The following ERN1 variants were observed in gnomAD, a reference collection of about 807,000 sequenced individuals.
ERN1 encodes serine/threonine-protein kinase/endoribonuclease IRE1.
Under a neutral mutation model 113.1 loss-of-function variants are expected in ERN1, and 39 were observed. The ratio of observed to expected loss-of-function variants is 0.34; its 90% CI spans 0.27 to 0.45. The LOEUF is 0.45. Among genes scored for constraint, ERN1 ranks in the 20% least tolerant of loss-of-function variants. The pLI is 1.00. For synonymous variants in ERN1, 507 were observed against 515.9 expected, an observed-to-expected ratio of 0.98 and a Z score of 0.23; for missense variants, 976 against 1,274.8, an observed-to-expected ratio of 0.77 and a Z score of 3.57.
chr17:64,044,167 G>A lies in ERN1; in HGVS notation c.2755C>T (p.Arg919Trp), dbSNP rs369663028. 1.1e-5 allele frequency: 18 copies of A among 1,584,240 alleles called. 1 individual carries two copies. Among genetic ancestry groups the A allele is most frequent in the East Asian group, 1.1e-4 (5 of 44,154 alleles). The change falls in exon 22 of 22, where the codon CGG becomes TGG. Residue 919 changes from arginine (R) to tryptophan (W), a missense_variant. Around this residue, in one of 5 missense-constraint regions of ERN1, gnomAD observed 92 missense variants for 87.3 expected, o/e 1.05. Transcript: ENST00000433197. This position sits in a 1 kb window ranked among gnomAD's most constrained non-coding sequence, Gnocchi z 4.1. ...TCGGGGAGGGACCCCAGCGTCTCCC[G>A]CACCTCTGCAGGCAGCTCCCGGTAG... is the stretch of plus-strand genomic sequence containing the variant. ...HHYRELPAEV[R>W]ETLGSLPDDF...
At chr17:64,072,837 C>T (rs1913463043) in intron 5 of ERN1, among the ~76,000 whole-genome samples, 1 of 152,124 alleles carries the variant, frequency 6.6e-6, no homozygotes, top group Non-Finnish European at 1.5e-5. Flanking sequence ...GCAAGGGCCT[C>T]CAATGTGAAG....
At chr17:64,101,968 G>GT (rs1265721424) in intron 1 of ERN1, among the ~76,000 whole-genome samples, 1 of 152,094 alleles carries the variant, frequency 6.6e-6, no homozygotes, top group Non-Finnish European at 1.5e-5. Flanking sequence ...TCTACAATTG[G>GT]TTTATGGATC....
intron 8 of ERN1, among the ~76,000 whole-genome samples, chr17:64,065,636 T>G (rs894244151): frequency 6.6e-6 from 1 of 152,060 alleles, no homozygotes; most frequent in Non-Finnish European, 1.5e-5. Context: ...GCCCCTCAGA[T>G]GACTCTCTAC....
chr17:64,129,689 G>A lies in ERN1; in HGVS notation c.54+287C>T, dbSNP rs1915181811. The A allele has an allele frequency of 2.1e-5, 8 of 374,848 alleles. No individual in the cohort carries two copies. In the East Asian group the frequency reaches 3.1e-4, roughly 14 times the overall value. The allele number at this position is 374,848 out of a possible 1,614,324, so 23.2% of individuals were successfully genotyped here. On this transcript the variant is annotated intron_variant, in intron 1 of 21. Coordinates refer to ENST00000433197, the MANE Select transcript of ERN1 (RefSeq NM_001433.5). ...TGCAGGACGCCACGAAGTTGCGCCC[G>A]AGCCCGCGGGGTCCGGGGAGCCGCT... is the stretch of plus-strand genomic sequence containing the variant.
rs113336518 is a variant in ERN1 at position 64,047,849 on chromosome 17, C to T, written c.2529+9G>A. On this transcript the variant is annotated intron_variant, in intron 19 of 21. Coordinates refer to ENST00000433197, the MANE Select transcript of ERN1 (RefSeq NM_001433.5). ...GAAGACTCTGGATAAAGAGAACAGA[C>T]GTCTCTACCTGGAAGAACTGGAGCT... The T allele has an allele frequency of 0.019, 30,118 of 1,598,246 alleles. 397 individuals carry two copies. The highest frequency in any genetic ancestry group is 0.061 in the Middle Eastern group (363 of 5,998).
chr17:64,090,060 G>A (rs1381093664), intron 2 of ERN1, among the ~76,000 whole-genome samples: 1 of 152,094 alleles, frequency 6.6e-6, no homozygotes, highest in Non-Finnish European at 1.5e-5. Context: ...CTTCCCTCCA[G>A]AGAAAAAGCA....
intron 1 of ERN1, among the ~76,000 whole-genome samples, chr17:64,127,776 A>T (rs904087638): frequency 4.1e-5 from 6 of 145,936 alleles, no homozygotes; most frequent in South Asian, 4.2e-4. Flanking sequence ...AAAAAAAAAG[A>T]AGTAGTAGTA....
At chr17:64,114,780 G>A (rs564362830) in intron 1 of ERN1, among the ~76,000 whole-genome samples, 2 of 152,238 alleles carry the variant, frequency 1.3e-5, no homozygotes, top group South Asian at 2.1e-4. Context: ...TCACACTCTC[G>A]GTGAGTCTCC....
chr17:64,097,864 C>A, intron 2 of ERN1: 1 of 417,560 alleles, frequency 2.4e-6, no homozygotes, highest in Non-Finnish European at 4.3e-6. Flanking sequence ...AGCCTAGAGC[C>A]ATTTTAACAT....
intron 12 of ERN1, among the ~76,000 whole-genome samples, chr17:64,057,339 A>G (rs1198013260): frequency 2.8e-5 from 4 of 141,892 alleles, no homozygotes; most frequent in African/African-American, 1.0e-4. Context: ...GTTTTTGAAG[A>G]TAAACAAACA....
At position 64,043,719 on chromosome 17, in the gene ERN1, G is replaced by A. The variant is rs1912412752; in HGVS notation, c.*269C>T. ...CAGTAGATGGCTGGGGGTGCTACTC[G>A]CGCTGTCTCTGAGGCCCTCCTTTGC... On this transcript the variant is annotated 3_prime_UTR_variant, in exon 22 of 22. Coordinates refer to ENST00000433197, the MANE Select transcript of ERN1 (RefSeq NM_001433.5). 1 of 360,818 alleles carries A rather than the reference G, an allele frequency of 2.8e-6. No individual in the cohort carries two copies. The highest frequency in any genetic ancestry group is 4.2e-5 in the East Asian group (1 of 23,874). The allele number at this position is 360,818 out of a possible 1,614,324, so 22.4% of individuals were successfully genotyped here. A position where few individuals can be genotyped will look rare whatever the true frequency, so the allele number is the denominator to read the frequency against.
At chr17:64,056,832 T>C (rs765407888) in intron 12 of ERN1, among the ~76,000 whole-genome samples, 1 of 152,166 alleles carries the variant, frequency 6.6e-6, no homozygotes, top group Non-Finnish European at 1.5e-5. Context: ...AATGACCTCA[T>C]AGGACTGAGT....
At chr17:64,092,306 C>T (rs192220033) in intron 2 of ERN1, among the ~76,000 whole-genome samples, 84 of 152,102 alleles carry the variant, frequency 5.5e-4, no homozygotes, top group Non-Finnish European at 1.0e-3. Context: ...TACTGCTTGG[C>T]CGTGATTCTG....
intron 1 of ERN1, among the ~76,000 whole-genome samples, chr17:64,106,197 G>A (rs1478530620): frequency 6.6e-6 from 1 of 152,116 alleles, no homozygotes; most frequent in African/African-American, 2.4e-5. Flanking sequence ...CCTTTTAGTT[G>A]GCTACTGAAT....
intron 2 of ERN1, among the ~76,000 whole-genome samples, chr17:64,084,023 G>T: frequency 6.6e-6 from 1 of 152,082 alleles, no homozygotes; most frequent in East Asian, 1.9e-4. Flanking sequence ...TTCTCACTCA[G>T]AGAGCACATG....
chr17:64,045,557 A>G, intron 19 of ERN1, 75 bp from the exon 20 acceptor site: 1 of 1,587,596 alleles, frequency 6.3e-7, no homozygotes, highest in Non-Finnish European at 8.6e-7. Flanking sequence ...GGACTCAGTA[A>G]CAGATCATCA....
At chr17:64,084,243 A>G (rs1281451537) in intron 2 of ERN1, among the ~76,000 whole-genome samples, 1 of 152,186 alleles carries the variant, frequency 6.6e-6, no homozygotes, top group African/African-American at 2.4e-5. Context: ...CCTAGAAGAA[A>G]GCCATGACTC....
intron 2 of ERN1, among the ~76,000 whole-genome samples, chr17:64,081,613 T>C (rs1191437821): frequency 2.0e-5 from 3 of 152,244 alleles, no homozygotes; most frequent in African/African-American, 7.2e-5. Flanking sequence ...TCAATGTACC[T>C]AATTAGATGG....
intron 6 of ERN1, 102 bp from the exon 7 acceptor site, chr17:64,068,393 G>C: frequency 1.2e-6 from 1 of 827,290 alleles, no homozygotes; most frequent in Non-Finnish European, 2.0e-6. Context: ...TCCCTAAACT[G>C]TAGGCCAAAA....
Sources: gnomAD v4.1 joint callset for allele counts (sites outside exome capture counted in the v4.1 genomes callset) on GRCh38, gnomAD v4.1.1 for gene constraint, gnomAD v4.1.1 regional missense constraint, Gnocchi (gnomAD v3.1) non-coding constraint, MANE v1.5 for transcripts, NCBI Gene and HGNC (gene_info 2026-07-23, HGNC 2026-07-21) for gene names.